PGM1: variants seen among roughly 807,000 people sequenced by gnomAD.
PGM1 encodes the protein phosphoglucomutase 1, also known as phosphoglucomutase-1.
PGM1 carries 52 observed loss-of-function variants against 55.6 expected under a neutral mutation model. That is an observed-to-expected ratio of 0.94 (90% CI 0.75 to 1.18). The LOEUF is 1.18. PGM1 is among the 50% of genes most tolerant of loss of function. The pLI is 0.00. For synonymous variants in PGM1, 287 were observed against 271.7 expected, an observed-to-expected ratio of 1.06 and a Z score of -0.55; for missense variants, 724 against 729.3, an observed-to-expected ratio of 0.99 and a Z score of 0.08.
At chr1:63,600,371 T>C (rs932840943) in intron 1 of PGM1, 1 of 152,260 alleles carries the variant, frequency 6.6e-6, no homozygotes, top group Non-Finnish European at 1.5e-5. Flanking sequence ...AGGGTTTGTT[T>C]TGTTTTTGTA....
intron 1 of PGM1, chr1:63,623,698 G>C: frequency 6.2e-7 from 1 of 1,612,676 alleles, no homozygotes; most frequent in Non-Finnish European, 8.5e-7. Context: ...GGTTGGTGGA[G>C]ATGGGCGGTA....
chr1:63,633,928 A>G (rs1229549446), intron 4 of PGM1, among the ~76,000 whole-genome samples: 2 of 64,386 alleles, frequency 3.1e-5, no homozygotes, highest in Non-Finnish European at 5.2e-5. Flanking sequence ...GTATATATAT[A>G]TATATTTTTT....
At chr1:63,652,277 T>C (rs573127297) in intron 9 of PGM1, among the ~76,000 whole-genome samples, 2 of 152,360 alleles carry the variant, frequency 1.3e-5, no homozygotes, top group African/African-American at 4.8e-5. Context: ...ATTATACTTA[T>C]ACGTTTCTCT....
intron 1 of PGM1, among the ~76,000 whole-genome samples, chr1:63,602,708 A>C (rs1171813130): frequency 6.6e-6 from 1 of 152,146 alleles, no homozygotes; most frequent in Non-Finnish European, 1.5e-5. Context: ...TGGGGGCTAA[A>C]CCGACAAGTG....
intron 1 of PGM1, among the ~76,000 whole-genome samples, chr1:63,608,944 C>G (rs553903813): frequency 1.2e-4 from 19 of 152,316 alleles, no homozygotes; most frequent in African/African-American, 4.6e-4. Context: ...TAGGGCCTGA[C>G]ATTGTAACTG....
intron 1 of PGM1, among the ~76,000 whole-genome samples, chr1:63,608,626 G>A (rs1243329874): frequency 6.6e-6 from 1 of 152,222 alleles, no homozygotes; most frequent in Non-Finnish European, 1.5e-5. Flanking sequence ...AATGCATTCT[G>A]TGGAACAAGA....
intron 1 of PGM1, among the ~76,000 whole-genome samples, chr1:63,620,734 T>G (rs1023050217): frequency 6.6e-6 from 1 of 152,238 alleles, no homozygotes; most frequent in African/African-American, 2.4e-5. Flanking sequence ...TTCATAACTC[T>G]GCCATTGTGA....
At chr1:63,634,720 T>C (rs191080616) in intron 4 of PGM1, 109 bp from the exon 5 acceptor site, 308 of 859,798 alleles carry the variant, frequency 3.6e-4, no homozygotes, top group Non-Finnish European at 5.8e-4. Flanking sequence ...CTGTTGTTTC[T>C]CATGCCATTC....
In PGM1 at chr1:63,636,233, G is replaced by T. The variant is rs1649358068; in HGVS notation, c.874-1G>T. On this transcript the variant is annotated splice_acceptor_variant, in intron 5 of 10. Transcript: ENST00000371084. LOFTEE classifies it high-confidence loss of function. ...TTCTTTGATCCTCTCTTCTCCCCAA[G>T]GATCGAAACATGATTCTGGGCAAGC... is the stretch of plus-strand genomic sequence containing the variant. 1 of 1,613,912 alleles carries T rather than the reference G, an allele frequency of 6.2e-7. No individual in the cohort carries two copies. The highest frequency in any genetic ancestry group is 8.5e-7 in the Non-Finnish European group (1 of 1,179,874).
chr1:63,657,230 T>C (rs531115921), intron 10 of PGM1, among the ~76,000 whole-genome samples: 1 of 152,324 alleles, frequency 6.6e-6, no homozygotes, highest in East Asian at 1.9e-4. Flanking sequence ...ACCCCTGGCA[T>C]AGTGGTTTTG....
chr1:63,600,953 C>G (rs1490276324), intron 1 of PGM1, among the ~76,000 whole-genome samples: 3 of 152,002 alleles, frequency 2.0e-5, no homozygotes, highest in Non-Finnish European at 2.9e-5. Flanking sequence ...ATTTTTTTCT[C>G]TCTTGGACTC....
intron 1 of PGM1, among the ~76,000 whole-genome samples, chr1:63,624,481 A>G (rs1648970782): frequency 1.3e-5 from 2 of 152,184 alleles, no homozygotes; most frequent in Admixed American, 1.3e-4. Flanking sequence ...TTGTACCAGA[A>G]CGCATTGATC....
rs1335770503 is a variant in PGM1 at position 63,648,647 on chromosome 1, C to T, written c.1275C>T (p.Phe425=). 1 of 1,613,978 alleles carries T rather than the reference C, an allele frequency of 6.2e-7. No individual in the cohort carries two copies. The highest frequency in any genetic ancestry group is 8.5e-7 in the Non-Finnish European group (1 of 1,179,980). ...DHWQKYGRNF[F]TRYDYEEVEA... ...GGCAAAAGTATGGCCGGAATTTCTT[C>T]ACCAGGTGAGCCACAGCCCAGCTGG... is the stretch of plus-strand genomic sequence containing the variant. Residue 425 remains phenylalanine, a synonymous_variant, in exon 8 of 11, where the codon TTC becomes TTT. Transcript: ENST00000371084.
chr1:63,611,594 A>G (rs1461422778), intron 1 of PGM1, among the ~76,000 whole-genome samples: 2 of 152,188 alleles, frequency 1.3e-5, no homozygotes. Context: ...TTTTGGAGAC[A>G]GGATCAAAAA....
intron 10 of PGM1, among the ~76,000 whole-genome samples, chr1:63,656,596 GTGTGTGTGTGTA>G (rs543731425): frequency 0.073 from 10,494 of 143,428 alleles, 665 homozygotes; most frequent in African/African-American, 0.2. Flanking sequence ...GTGTGTGTGT[GTGTGTGTGTGTA>G]TACCACAATG....
chr1:63,650,876 T>C (rs541485495), intron 8 of PGM1, among the ~76,000 whole-genome samples: 31 of 151,788 alleles, frequency 2.0e-4, no homozygotes, highest in African/African-American at 6.5e-4. Context: ...CCACTGCCAC[T>C]GAAAGGAGGG....
chr1:63,654,175 G>T (rs556163217), intron 9 of PGM1, among the ~76,000 whole-genome samples, 157 bp from the exon 10 acceptor site: 3 of 152,168 alleles, frequency 2.0e-5, no homozygotes, highest in Non-Finnish European at 2.9e-5. Context: ...GTGACGGAAG[G>T]CAGGCTCACA....
chr1:63,596,863 A>G (rs1274548224), intron 1 of PGM1, among the ~76,000 whole-genome samples: 1 of 152,228 alleles, frequency 6.6e-6, no homozygotes, highest in Non-Finnish European at 1.5e-5. Context: ...TGCAATGCCT[A>G]GGACTATGTA....
chr1:63,605,060 C>T (rs1195541581), intron 1 of PGM1, among the ~76,000 whole-genome samples: 1 of 152,050 alleles, frequency 6.6e-6, no homozygotes, highest in African/African-American at 2.4e-5. Flanking sequence ...ATGCACACTC[C>T]TGTCCTGGCA....
Sources: allele counts gnomAD v4.1 joint callset (sites outside exome capture counted in the v4.1 genomes callset), GRCh38; gene constraint gnomAD v4.1.1; transcripts MANE v1.5; gene names NCBI Gene and HGNC (gene_info 2026-07-23, HGNC 2026-07-21).